The following CEP89 variants were observed in gnomAD, a reference collection of about 807,000 sequenced individuals.
CEP89 encodes the protein centrosomal protein of 89 kDa.
CEP89 carries 95 observed loss-of-function variants against 97.6 expected under a neutral mutation model. The ratio of observed to expected loss-of-function variants is 0.97; its 90% confidence interval spans 0.82 to 1.15. CEP89 has a LOEUF of 1.15. Ranked by LOEUF, CEP89 falls within the 50% of genes most tolerant of loss-of-function variation. The pLI is 0.00. For synonymous variants in CEP89, 354 were observed against 349.1 expected, an observed-to-expected ratio of 1.01 and a Z score of -0.16; for missense variants, 869 against 947.7, an observed-to-expected ratio of 0.92 and a Z score of 1.09.
chr19:32,956,244 CAG>C (rs1294811439), intron 3 of CEP89, among the ~76,000 whole-genome samples: 1 of 151,618 alleles, frequency 6.6e-6, no homozygotes, highest in East Asian at 1.9e-4. Flanking sequence ...TTAGTAAAGA[CAG>C]GGTTTCACCA....
At chr19:32,886,125 A>G (rs984872263) in intron 17 of CEP89, among the ~76,000 whole-genome samples, 4 of 151,836 alleles carry the variant, frequency 2.6e-5, no homozygotes, top group African/African-American at 9.7e-5. Flanking sequence ...AGCTATCTCC[A>G]GCTCTCTAGC....
At chr19:32,926,061 T>C (rs1182909796) in intron 11 of CEP89, 129 bp downstream of exon 11, 1 of 720,154 alleles carries the variant, frequency 1.4e-6, no homozygotes, top group Non-Finnish European at 2.4e-6. Flanking sequence ...TCCTCCTTTC[T>C]GTCCTCTAAT....
intron 5 of CEP89, among the ~76,000 whole-genome samples, chr19:32,947,194 C>T (rs1384933392): frequency 6.6e-6 from 1 of 152,110 alleles, no homozygotes; most frequent in South Asian, 2.1e-4. Flanking sequence ...CAAATGTGAG[C>T]CACCTCTTAG....
chr19:32,883,007 C>T (rs573447070), intron 17 of CEP89, among the ~76,000 whole-genome samples: 1 of 151,972 alleles, frequency 6.6e-6, no homozygotes, highest in Non-Finnish European at 1.5e-5. Flanking sequence ...TACAGGTGCC[C>T]ACCACCACAC....
chr19:32,908,783 G>A (rs1327083130), intron 14 of CEP89, among the ~76,000 whole-genome samples: 1 of 152,140 alleles, frequency 6.6e-6, no homozygotes, highest in Admixed American at 6.5e-5. Flanking sequence ...CTGAACCAGC[G>A]CTCACACCGG....
chr19:32,971,891 G>GA lies in CEP89; in HGVS notation c.-18dup. 6.3e-7 allele frequency: 1 copy of GA among 1,582,104 alleles called. No homozygotes were observed. The highest frequency in any genetic ancestry group is 8.6e-7 in the Non-Finnish European group (1 of 1,162,568). ...CAGGAGCATCCTTGCAGCGCGAGGA[G>GA]AATGGACCGGGGCCTGGACTCATCA... On this transcript the variant is annotated 5_prime_UTR_variant, in exon 1 of 19. Transcript: ENST00000305768.
At chr19:32,917,916 C>G (rs546239959) in intron 13 of CEP89, 1 of 399,718 alleles carries the variant, frequency 2.5e-6, no homozygotes, top group South Asian at 1.0e-4. Context: ...CAGATGTTTA[C>G]CTCACGTGAT....
At chr19:32,892,131 T>TAC (rs200234929) in intron 16 of CEP89, among the ~76,000 whole-genome samples, 10,561 of 145,376 alleles carry the variant, frequency 0.073, 1,324 homozygotes, top group African/African-American at 0.24. Flanking sequence ...TATTTAGACA[T>TAC]ATATATTTAG....
At chr19:32,957,623 A>AAC (rs1568581068) in intron 3 of CEP89, among the ~76,000 whole-genome samples, 1 of 152,146 alleles carries the variant, frequency 6.6e-6, no homozygotes, top group African/African-American at 2.4e-5. Flanking sequence ...CAGCCTGGCC[A>AAC]ACATGGTGAA....
intron 1 of CEP89, chr19:32,970,162 T>C (rs1274987720): frequency 6.6e-6 from 1 of 152,300 alleles, no homozygotes; most frequent in Admixed American, 6.5e-5. Flanking sequence ...CAGAATTCTT[T>C]CCTTACTCCC....
At chr19:32,926,045 C>T in intron 11 of CEP89, 145 bp downstream of exon 11, 1 of 685,862 alleles carries the variant, frequency 1.5e-6, no homozygotes, top group Non-Finnish European at 2.6e-6. Context: ...TGCCACACTC[C>T]TTCCTTCCTC....
At chr19:32,899,756 G>T in intron 16 of CEP89, 101 bp downstream of exon 16, 2 of 1,161,054 alleles carry the variant, frequency 1.7e-6, no homozygotes, top group South Asian at 1.5e-5. Flanking sequence ...GTCAGGGAAT[G>T]CCTGGATAAA....
At position 32,915,377 on chromosome 19, in the gene CEP89, C is replaced by A. The variant is rs773013555; in HGVS notation, c.1525G>T (p.Ala509Ser). The A allele has an allele frequency of 1.9e-6, 3 of 1,610,912 alleles. No homozygotes were observed. The highest frequency in any genetic ancestry group is 2.5e-6 in the Non-Finnish European group (3 of 1,179,152). The change falls in exon 14 of 19, where the codon GCA becomes TCA. Residue 509 changes from alanine to serine, a missense_variant. Ala to Ser is a moderately conservative substitution (Grantham distance 99). Transcript: ENST00000305768. ...ACAATTGATTTATGAACTTCCACTG[C>A]GATTTTGCCATCCGAGTGTGTTTTG... ...ELKTHSDGKI[A>S]VEVHKSIVNE... is the part of the protein sequence containing the mutation.
At chr19:32,898,386 G>T (rs767723021) in intron 16 of CEP89, among the ~76,000 whole-genome samples, 5 of 152,068 alleles carry the variant, frequency 3.3e-5, no homozygotes, top group Non-Finnish European at 5.9e-5. Flanking sequence ...GATGCATGTG[G>T]GTATGGGTGT....
intron 1 of CEP89, chr19:32,970,094 C>T (rs1971367272): frequency 6.6e-6 from 1 of 152,256 alleles, no homozygotes; most frequent in Non-Finnish European, 1.5e-5. Flanking sequence ...GCTTCCATTT[C>T]CCAAACAGCA....
In CEP89 at chr19:32,899,981, A is replaced by G. The variant is rs535323990; in HGVS notation, c.1751T>C (p.Ile584Thr). 23 of 1,614,016 alleles carry G rather than the reference A, an allele frequency of 1.4e-5. No homozygotes were observed. Among genetic ancestry groups the G allele is most frequent in the East Asian group, 2.2e-5 (1 of 44,862 alleles). Residue 584 changes from isoleucine to threonine, a missense_variant, in exon 16 of 19, where the codon ATT (isoleucine) becomes ACT (threonine). Transcript: ENST00000305768. ...TTCCACCTGCTTTTTGAGGACCTCA[A>G]TTTTCTTTTGAGATTTCCTAGAGAG... is the stretch of plus-strand genomic sequence containing the variant. ...QKINRKSQKKIEVLKKQVEKA... is the reference protein window; with the variant it reads ...QKINRKSQKKTEVLKKQVEKA...
chr19:32,935,196 C>T (rs528160638), intron 7 of CEP89, among the ~76,000 whole-genome samples: 17 of 152,308 alleles, frequency 1.1e-4, no homozygotes, highest in African/African-American at 3.8e-4. Flanking sequence ...GGCCTCACAT[C>T]CTGTCCATCC....
At chr19:32,948,751 G>C (rs889230214) in intron 4 of CEP89, among the ~76,000 whole-genome samples, 3 of 151,682 alleles carry the variant, frequency 2.0e-5, no homozygotes, top group African/African-American at 7.3e-5. Context: ...TTTGAGACAG[G>C]GTCTCCTCTG....
intron 9 of CEP89, among the ~76,000 whole-genome samples, chr19:32,928,658 C>G (rs1157690509): frequency 2.0e-5 from 3 of 152,186 alleles, no homozygotes; most frequent in African/African-American, 7.2e-5. Flanking sequence ...ATCTTGCAGT[C>G]TCATCCTACA....
Sources: gnomAD v4.1 joint callset for allele counts (sites outside exome capture counted in the v4.1 genomes callset) on GRCh38, gnomAD v4.1.1 for gene constraint, MANE v1.5 for transcripts, NCBI Gene and HGNC (gene_info 2026-07-23, HGNC 2026-07-21) for gene names.